The following NCOA3 variants were observed in gnomAD, a reference collection of about 807,000 sequenced individuals.
NCOA3 encodes the protein CBP-interacting protein.
Under a neutral mutation model 158.8 loss-of-function variants are expected in NCOA3, and 51 were observed. The observed-to-expected ratio is 0.32, with a 90% CI of 0.26 to 0.41. The LOEUF is 0.41. Among genes scored for constraint, NCOA3 ranks in the 10% least tolerant of loss-of-function variants. The probability of loss-of-function intolerance (pLI) is 1.00; values close to 1 mark genes in which losing one functional copy is unlikely to be tolerated. For missense variants in NCOA3, 1,510 were observed against 1,746.6 expected (o/e 0.86, Z 2.41); for synonymous variants, 537 against 592.4 (o/e 0.91, Z 1.36).
In NCOA3 at chr20:47,654,839, A is replaced by C. The variant is rs1269025245; in HGVS notation, c.*1422A>C. On this transcript the variant is annotated 3_prime_UTR_variant, in exon 23 of 23. Transcript: ENST00000371998. ...TTTTAAGCAGTCCGAAATAATAGCA[A>C]TTCATGGGCTGTGTGTGTGTGTGTA... 6.6e-6 allele frequency: 1 copy of C among 150,940 alleles called. No homozygotes were observed. The highest frequency in any genetic ancestry group is 1.5e-5 in the Non-Finnish European group (1 of 67,836). 9.4% of individuals were successfully genotyped at this position (150,940 alleles called of 1,614,324 possible).
At chr20:47,538,952 T>G (rs918929864) in intron 1 of NCOA3, among the ~76,000 whole-genome samples, 1 of 152,206 alleles carries the variant, frequency 6.6e-6, no homozygotes, top group Non-Finnish European at 1.5e-5. Flanking sequence ...GTTCTGGCTG[T>G]TTTACTTTTT....
At chr20:47,537,088 C>T (rs1181098560) in intron 1 of NCOA3, among the ~76,000 whole-genome samples, 1 of 151,854 alleles carries the variant, frequency 6.6e-6, no homozygotes, top group East Asian at 1.9e-4. Flanking sequence ...GGATTACAGG[C>T]GTGAGCCACC....
chr20:47,647,843 A>G (rs910786497), intron 18 of NCOA3, among the ~76,000 whole-genome samples: 5 of 147,206 alleles, frequency 3.4e-5, no homozygotes, highest in African/African-American at 1.3e-4. Context: ...AATTGTTTTT[A>G]TTGTTTATGT....
At chr20:47,510,232 A>G (rs185978316) in intron 1 of NCOA3, among the ~76,000 whole-genome samples, 210 of 152,036 alleles carry the variant, frequency 1.4e-3, no homozygotes, top group Admixed American at 2.6e-3. Context: ...GGAATTGGAG[A>G]CCATCCTGGC....
intron 2 of NCOA3, among the ~76,000 whole-genome samples, chr20:47,596,017 A>T (rs1253172426): frequency 7.9e-5 from 12 of 152,188 alleles, no homozygotes; most frequent in African/African-American, 2.9e-4. Flanking sequence ...TTATATAAAT[A>T]AAGAGTATAT....
chr20:47,629,281 G>T (rs1324363416), intron 8 of NCOA3, among the ~76,000 whole-genome samples: 1 of 151,490 alleles, frequency 6.6e-6, no homozygotes, highest in Non-Finnish European at 1.5e-5. Flanking sequence ...AGTAGCAAAG[G>T]ATTATTTTGA....
chr20:47,600,005 G>A (rs1005213874), intron 2 of NCOA3, among the ~76,000 whole-genome samples: 4 of 151,824 alleles, frequency 2.6e-5, no homozygotes, highest in Non-Finnish European at 5.9e-5. Context: ...CATAATCCTG[G>A]TGGATCTGCT....
Position 47,623,930 on chromosome 20 carries a change from A to G in NCOA3, c.103A>G (p.Lys35Glu). 6.2e-7 allele frequency: 1 copy of G among 1,613,334 alleles called. No homozygotes were observed. The highest frequency in any genetic ancestry group is 2.2e-5 in the East Asian group (1 of 44,882). The change falls in exon 4 of 23, where the codon AAA (lysine) becomes GAA (glutamate). Residue 35 changes from lysine (K) to glutamate (E), a missense_variant. Physicochemically the swap from Lys to Glu is moderately conservative, Grantham distance 56. Transcript: ENST00000371998. ...CCTTAGTCTTACCTGCAGTGGTGAA[A>G]AACGGAGACGGGAGCAGGAAAGTAA... ...PGQGLTCSGE[K>E]RRREQESKYI...
At chr20:47,567,550 T>C (rs959842479) in intron 1 of NCOA3, among the ~76,000 whole-genome samples, 3 of 152,044 alleles carry the variant, frequency 2.0e-5, no homozygotes, top group African/African-American at 7.2e-5. Flanking sequence ...TAAAGGTTCA[T>C]GTCATCACAC....
chr20:47,566,124 TG>T (rs1347419678), intron 1 of NCOA3, among the ~76,000 whole-genome samples: 4 of 152,112 alleles, frequency 2.6e-5, no homozygotes, highest in Admixed American at 2.0e-4. Flanking sequence ...GCTTTCATCA[TG>T]TTGGCCAGGC....
chr20:47,606,875 A>C (rs1442001664), intron 2 of NCOA3, among the ~76,000 whole-genome samples: 1 of 152,246 alleles, frequency 6.6e-6, no homozygotes, highest in East Asian at 1.9e-4. Context: ...TTGAGCTTCA[A>C]GTGAAATTAT....
In NCOA3 at chr20:47,595,034, C is replaced by T. The variant is rs949294324; in HGVS notation, c.-20+11773C>T. ...CTCGATCCCCTGACCTCAGGCAATC[C>T]GCCTGCCTTTGCCTCCCAAAGTGAT... On this transcript the variant is annotated intron_variant, in intron 2 of 22. Transcript: ENST00000371998. Among the ~76,000 whole-genome samples the T allele has an allele frequency of 1.9e-4, 29 of 151,606 alleles. No individual in the cohort carries two copies. The East Asian group carries it at 3.9e-3, about 21-fold the overall frequency.
intron 2 of NCOA3, among the ~76,000 whole-genome samples, chr20:47,616,576 A>G (rs1481252692): frequency 1.3e-5 from 2 of 152,228 alleles, no homozygotes; most frequent in African/African-American, 2.4e-5. Context: ...TAGTGGAAAC[A>G]TTTTAGATAA....
intron 1 of NCOA3, among the ~76,000 whole-genome samples, chr20:47,521,252 A>G (rs1260257115): frequency 6.6e-6 from 1 of 152,062 alleles, no homozygotes; most frequent in Admixed American, 6.5e-5. Flanking sequence ...AGAACCAGAG[A>G]CCGCCCCCGG....
intron 1 of NCOA3, among the ~76,000 whole-genome samples, chr20:47,554,272 T>G (rs1418689127): frequency 6.6e-6 from 1 of 152,136 alleles, no homozygotes; most frequent in African/African-American, 2.4e-5. Flanking sequence ...TAAATTTGTT[T>G]GAGTTCATTG....
At chr20:47,627,857 G>A in intron 7 of NCOA3, 65 bp from the exon 8 acceptor site, 2 of 1,572,486 alleles carry the variant, frequency 1.3e-6, no homozygotes, top group Non-Finnish European at 1.7e-6. Flanking sequence ...GTCTTTGCTT[G>A]CCTATTGAAC....
At chr20:47,553,389 A>AT (rs201200892) in intron 1 of NCOA3, among the ~76,000 whole-genome samples, 2 of 150,820 alleles carry the variant, frequency 1.3e-5, no homozygotes, top group African/African-American at 2.4e-5. Context: ...ACTCTTGAAA[A>AT]TTTTTTTTTT....
At chr20:47,585,938 T>C (rs536878376) in intron 2 of NCOA3, among the ~76,000 whole-genome samples, 1 of 151,862 alleles carries the variant, frequency 6.6e-6, no homozygotes, top group Non-Finnish European at 1.5e-5. Flanking sequence ...TTTTTTTTTT[T>C]TTTTTTGAGA....
intron 1 of NCOA3, among the ~76,000 whole-genome samples, chr20:47,532,704 A>T (rs1025358953): frequency 2.0e-5 from 3 of 152,052 alleles, no homozygotes; most frequent in African/African-American, 7.2e-5. Flanking sequence ...AACTCCTGAC[A>T]TGAAGCAATA....
Sources: gnomAD v4.1 joint callset for allele counts (sites outside exome capture counted in the v4.1 genomes callset) on GRCh38, gnomAD v4.1.1 for gene constraint, MANE v1.5 for transcripts, NCBI Gene and HGNC (gene_info 2026-07-23, HGNC 2026-07-21) for gene names.